The following RANBP2 variants were observed in gnomAD, a reference collection of about 807,000 sequenced individuals.
RANBP2 encodes the protein RAN binding protein 2, also known as E3 SUMO-protein ligase RanBP2.
Under a neutral mutation model 303.6 loss-of-function variants are expected in RANBP2, and 57 were observed. That is an observed-to-expected ratio of 0.19 (90% CI 0.15 to 0.23). The LOEUF (loss-of-function observed/expected upper bound fraction) is 0.23, where lower values mean the gene tolerates loss of function less well. Among genes scored for constraint, RANBP2 ranks in the 10% least tolerant of loss-of-function variants. RANBP2 has a pLI of 1.00. For synonymous variants in RANBP2, 1,167 were observed against 1,301.5 expected, an observed-to-expected ratio of 0.90 and a Z score of 2.23; for missense variants, 3,138 against 3,780.8, an observed-to-expected ratio of 0.83 and a Z score of 4.46.
At chr2:108,835,408 C>G in the RANBP2 span, among the ~76,000 whole-genome samples, 16 of 152,158 alleles carry the variant, frequency 1.1e-4, no homozygotes, top group South Asian at 2.9e-3. Context: ...GATATTAATC[C>G]TCTATTTCTA....
chr2:109,530,922 C>T, the RANBP2 span, among the ~76,000 whole-genome samples: 1 of 152,056 alleles, frequency 6.6e-6, no homozygotes, highest in Non-Finnish European at 1.5e-5. Context: ...AAGGGAGAGC[C>T]GACCCTCAAG....
the RANBP2 span, among the ~76,000 whole-genome samples, chr2:109,568,600 TTC>T: frequency 6.6e-6 from 1 of 152,172 alleles, no homozygotes; most frequent in African/African-American, 2.4e-5. Context: ...TCACATTTTC[TTC>T]TCTCTCAAAA....
chr2:109,243,607 A>G, the RANBP2 span, among the ~76,000 whole-genome samples: 9 of 152,292 alleles, frequency 5.9e-5, no homozygotes, highest in South Asian at 1.9e-3. Context: ...TGGCTGGGGA[A>G]CATTTTTAAA....
the RANBP2 span, among the ~76,000 whole-genome samples, chr2:108,993,956 G>C: frequency 3.9e-5 from 6 of 152,154 alleles, no homozygotes; most frequent in Non-Finnish European, 5.9e-5. Flanking sequence ...TGAGGCCGCT[G>C]TCTGGGGTGT....
the RANBP2 span, among the ~76,000 whole-genome samples, chr2:109,243,157 G>A: frequency 6.6e-6 from 1 of 152,270 alleles, no homozygotes. Flanking sequence ...CCTTGTGCAG[G>A]TGTCTTGTAA....
chr2:109,518,980 G>A, the RANBP2 span, among the ~76,000 whole-genome samples: 1 of 140,802 alleles, frequency 7.1e-6, no homozygotes, highest in Non-Finnish European at 1.5e-5. Flanking sequence ...GTGCAGTCAT[G>A]CAATATTGGC....
At chr2:109,657,071 A>G in the RANBP2 span, among the ~76,000 whole-genome samples, 2 of 152,230 alleles carry the variant, frequency 1.3e-5, no homozygotes, top group Non-Finnish European at 2.9e-5. Context: ...TCAGTCAATT[A>G]GAAACAACCT....
At chr2:109,512,346 G>A in the RANBP2 span, among the ~76,000 whole-genome samples, 2 of 151,956 alleles carry the variant, frequency 1.3e-5, no homozygotes, top group African/African-American at 2.4e-5. Flanking sequence ...TTCTTCTGAT[G>A]CCCAGCAAAC....
At chr2:109,545,112 G>A in the RANBP2 span, 7 of 985,410 alleles carry the variant, frequency 7.1e-6, no homozygotes, top group Non-Finnish European at 8.4e-6. Context: ...TGCAGTGAGA[G>A]CATTAAACCA....
At chr2:109,205,421 T>C in the RANBP2 span, among the ~76,000 whole-genome samples, 1 of 152,112 alleles carries the variant, frequency 6.6e-6, no homozygotes. Context: ...TTTTGTTTTT[T>C]GTATTTTTAG....
the RANBP2 span, chr2:109,760,470 C>G: frequency 6.4e-5 from 62 of 968,510 alleles, 2 homozygotes; most frequent in Non-Finnish European, 7.4e-5. Flanking sequence ...GCGGCGAGCT[C>G]GCTGCTCTCT....
At chr2:109,414,718 C>G in the RANBP2 span, among the ~76,000 whole-genome samples, 30 of 152,194 alleles carry the variant, frequency 2.0e-4, no homozygotes, top group Non-Finnish European at 4.3e-4. Flanking sequence ...TCCAGGCACA[C>G]CAAACACTGC....
At chr2:108,828,303 T>C in the RANBP2 span, among the ~76,000 whole-genome samples, 1 of 152,166 alleles carries the variant, frequency 6.6e-6, no homozygotes. Flanking sequence ...ATGAAGACTA[T>C]AGATTTAATG....
the RANBP2 span, among the ~76,000 whole-genome samples, chr2:109,434,774 C>T: frequency 3.9e-5 from 6 of 152,242 alleles, no homozygotes; most frequent in African/African-American, 9.6e-5. Flanking sequence ...GTCCCTGGGC[C>T]GCAATAGCCA....
chr2:109,484,428 C>G, the RANBP2 span, among the ~76,000 whole-genome samples: 1 of 152,116 alleles, frequency 6.6e-6, no homozygotes, highest in Non-Finnish European at 1.5e-5. Flanking sequence ...CACTCTGGCC[C>G]GCACCTGCTT....
At chr2:109,253,938 A>G in the RANBP2 span, among the ~76,000 whole-genome samples, 2 of 152,076 alleles carry the variant, frequency 1.3e-5, no homozygotes, top group African/African-American at 4.8e-5. Flanking sequence ...CCCCTTCCAC[A>G]GCTCTTAAGG....
At chr2:108,729,468 G>A (rs1276092450) in intron 2 of RANBP2, among the ~76,000 whole-genome samples, 2 of 152,316 alleles carry the variant, frequency 1.3e-5, no homozygotes, top group East Asian at 1.9e-4. Flanking sequence ...TCTTCTGTTG[G>A]AGTAAAAGAG....
chr2:109,226,248 AT>A, the RANBP2 span, among the ~76,000 whole-genome samples: 1 of 151,958 alleles, frequency 6.6e-6, no homozygotes, highest in African/African-American at 2.4e-5. Context: ...CTCCTTTTAC[AT>A]TTTTTTTGTT....
chr2:109,238,496 TGTGA>T, the RANBP2 span, among the ~76,000 whole-genome samples: 68 of 131,308 alleles, frequency 5.2e-4, no homozygotes, highest in Admixed American at 2.0e-3. Flanking sequence ...TGTGTGTGTG[TGTGA>T]GAGTGAGACA....
Sources: gnomAD v4.1 joint callset for allele counts (sites outside exome capture counted in the v4.1 genomes callset) on GRCh38, gnomAD v4.1.1 for gene constraint, MANE v1.5 for transcripts, NCBI Gene and HGNC (gene_info 2026-07-23, HGNC 2026-07-21) for gene names.